SMARCA4: variants seen among roughly 807,000 people sequenced by gnomAD.
The protein encoded by SMARCA4 is SWI/SNF related BAF chromatin remodeling complex subunit ATPase 4.
In SMARCA4, 31 loss-of-function variants were observed where a neutral mutation model predicts 193.9. The ratio of observed to expected loss-of-function variants is 0.16; its 90% CI spans 0.12 to 0.22. The LOEUF (loss-of-function observed/expected upper bound fraction) is 0.22, where lower values mean the gene tolerates loss of function less well. Among genes scored for constraint, SMARCA4 ranks in the 10% least tolerant of loss-of-function variants. The pLI, the probability that SMARCA4 is intolerant of heterozygous loss-of-function variation, is 1.00. For missense variants in SMARCA4, 1,148 were observed against 2,296.0 expected, an observed-to-expected ratio of 0.50 and a Z score of 10.22; for synonymous variants, 942 against 933.1, an observed-to-expected ratio of 1.01 and a Z score of -0.17.
intron 1 of SMARCA4, among the ~76,000 whole-genome samples, chr19:10,976,261 G>T (rs112562132): frequency 1.3e-5 from 2 of 152,190 alleles, no homozygotes; most frequent in African/African-American, 4.8e-5. Flanking sequence ...TTTCCTGGCC[G>T]TGCTCGTTTG....
At chr19:11,018,928 A>G (rs1439255443) in intron 16 of SMARCA4, 29 bp from the exon 17 acceptor site, 1 of 1,591,592 alleles carries the variant, frequency 6.3e-7, no homozygotes, top group South Asian at 1.1e-5. Flanking sequence ...AGAGACCGGC[A>G]CTTGACTCTC....
chr19:10,991,146 A>C lies in SMARCA4; in HGVS notation c.1246-4A>C, dbSNP rs1344703726. 6.2e-7 allele frequency: 1 copy of C among 1,613,226 alleles called. No homozygotes were observed. Among genetic ancestry groups the C allele is most frequent in the Admixed American group, 1.7e-5 (1 of 60,002 alleles). ...GCGCGGGCTTGTCCTCTTCCCTCCT[A>C]CAGCTGCGCCAGGAGGTGGTGGTGT... On this transcript the variant is annotated splice_region_variant and splice_polypyrimidine_tract_variant and intron_variant, in intron 7 of 34. Coordinates refer to ENST00000344626, the MANE Select transcript of SMARCA4 (RefSeq NM_003072.5).
At chr19:11,046,234 A>C (rs981183803) in intron 30 of SMARCA4, among the ~76,000 whole-genome samples, 3 of 152,168 alleles carry the variant, frequency 2.0e-5, no homozygotes, top group African/African-American at 4.8e-5. Flanking sequence ...AAAAAAAAAA[A>C]AAAACCCCAA....
chr19:11,040,988 G>A (rs868253556), intron 29 of SMARCA4: 1 of 312,548 alleles, frequency 3.2e-6, no homozygotes, highest in Non-Finnish European at 5.9e-6. Flanking sequence ...CATCACCTCC[G>A]GGTGAAGGGA....
intron 16 of SMARCA4, among the ~76,000 whole-genome samples, chr19:11,015,705 G>T (rs750378630): frequency 5.9e-5 from 9 of 152,052 alleles, no homozygotes; most frequent in Non-Finnish European, 8.8e-5. Flanking sequence ...CTGAGACTAG[G>T]TGATAAAGAA....
chr19:10,965,353 G>A (rs1436787449), intron 1 of SMARCA4: 1 of 152,220 alleles, frequency 6.6e-6, no homozygotes, highest in East Asian at 1.9e-4. Context: ...CAAATGCGAA[G>A]TGCTTAGAAT....
At position 11,026,349 on chromosome 19, in the gene SMARCA4, G is replaced by A. The variant is rs751050884; in HGVS notation, c.3215+3G>A. 3 of 1,613,486 alleles carry A rather than the reference G, an allele frequency of 1.9e-6. No homozygotes were observed. Among genetic ancestry groups the A allele is most frequent in the Non-Finnish European group, 2.5e-6 (3 of 1,179,488 alleles). ...TTCACTGGCGGCATTGTCCAAGGGT[G>A]AGAAGCTTCCCAACTGGATGGGGTG... is the stretch of plus-strand genomic sequence containing the variant. On this transcript the variant is annotated splice_donor_region_variant and intron_variant, in intron 23 of 34. Transcript: ENST00000344626.
At chr19:11,002,351 C>T (rs11673175) in intron 11 of SMARCA4, among the ~76,000 whole-genome samples, 5,009 of 152,164 alleles carry the variant, frequency 0.033, 126 homozygotes, top group Non-Finnish European at 0.041. Flanking sequence ...TGGTGATGGG[C>T]ACCTGTAGTC....
chr19:10,984,893 C>G lies in SMARCA4; in HGVS notation c.223-380C>G, dbSNP rs941953394. ...ATGGTCACAAGTCTCTTTTGCATGT[C>G]CCTGGATGTGGTTAGAGGACATATT... On this transcript the variant is annotated intron_variant, in intron 2 of 34. Transcript: ENST00000344626. The surrounding 1 kb of genome is among the most constrained non-coding windows in gnomAD (Gnocchi z 4.3). 6.6e-6 allele frequency among the ~76,000 whole-genome samples: 1 copy of G among 152,184 alleles called. No individual in the cohort carries two copies. The highest frequency in any genetic ancestry group is 2.4e-5 in the African/African-American group (1 of 41,452).
rs1437865520 is a variant in SMARCA4 at position 11,008,671 on chromosome 19, TC to T, written c.2123+650del. ...TTGCTTATGGTAAGGAATTAATAGA[TC>T]CTGTTAAAAAGCAAGTGAGGGCTGG... On this transcript the variant is annotated intron_variant, in intron 14 of 34. Coordinates refer to ENST00000344626, the MANE Select transcript of SMARCA4 (RefSeq NM_003072.5). Among the ~76,000 whole-genome samples, 7 of 152,164 alleles carry T rather than the reference TC, an allele frequency of 4.6e-5. 1 individual carries two copies. The highest frequency in any genetic ancestry group is 2.0e-4 in the Admixed American group (3 of 15,266).
At chr19:11,000,712 C>T (rs1244624501) in intron 11 of SMARCA4, among the ~76,000 whole-genome samples, 5 of 151,916 alleles carry the variant, frequency 3.3e-5, no homozygotes, top group Non-Finnish European at 7.4e-5. Context: ...AACCCAGTCT[C>T]TACTAAAAAT....
intron 16 of SMARCA4, among the ~76,000 whole-genome samples, chr19:11,015,225 A>C (rs1236833864): frequency 6.6e-6 from 1 of 152,250 alleles, no homozygotes; most frequent in African/African-American, 2.4e-5. Context: ...CAGGAAGATA[A>C]CATGGACGTA....
chr19:11,058,438 G>T lies in SMARCA4; in HGVS notation c.4533+75G>T. The T allele has an allele frequency of 9.6e-7, 1 of 1,044,384 alleles. No individual in the cohort carries two copies. The allele number at this position is 1,044,384 out of a possible 1,614,324, so 64.7% of individuals were successfully genotyped here. ...GACCCAGGGGCACCCCCATCTGAGA[G>T]CTGTGGTGTGTGGGCAGAATGACCA... On this transcript the variant is annotated intron_variant, in intron 31 of 34. Transcript: ENST00000344626. The surrounding 1 kb of genome is among the most constrained non-coding windows in gnomAD (Gnocchi z 5.8).
At chr19:11,014,183 G>GCGGTC (rs1416407544) in intron 16 of SMARCA4, among the ~76,000 whole-genome samples, 1 of 152,182 alleles carries the variant, frequency 6.6e-6, no homozygotes, top group Non-Finnish European at 1.5e-5. Context: ...CGAGTCAGCA[G>GCGGTC]CGGACCCCCA....
At chr19:11,015,521 T>C (rs117210556) in intron 16 of SMARCA4, among the ~76,000 whole-genome samples, 7,328 of 152,262 alleles carry the variant, frequency 0.048, 236 homozygotes, top group Middle Eastern at 0.1. Flanking sequence ...CCTTGGTGTC[T>C]CGGGCAAGGT....
Position 11,058,217 on chromosome 19 carries a change from C to T in SMARCA4, c.4425-38C>T, listed in dbSNP as rs750464919. ...GGTGGGGTGGGGGCTCCCGGGTGGG[C>T]GGACTCGGGGGTGATAGCCGCCGGT... On this transcript the variant is annotated intron_variant, in intron 30 of 34. Transcript: ENST00000344626. The surrounding 1 kb of genome is among the most constrained non-coding windows in gnomAD (Gnocchi z 5.8). 2.8e-5 allele frequency: 38 copies of T among 1,356,962 alleles called. No homozygotes were observed. In the South Asian group the frequency reaches 2.9e-4, roughly 10 times the overall value. The allele number at this position is 1,356,962 out of a possible 1,614,324, so 84.1% of individuals were successfully genotyped here.
intron 1 of SMARCA4, among the ~76,000 whole-genome samples, chr19:10,977,047 C>G (rs1236081500): frequency 6.6e-6 from 1 of 152,158 alleles, no homozygotes; most frequent in African/African-American, 2.4e-5. Flanking sequence ...CAGAGCGAGA[C>G]TCTGTCTCCA....
chr19:11,020,008 A>G (rs1568483885), intron 18 of SMARCA4, among the ~76,000 whole-genome samples: 1 of 152,188 alleles, frequency 6.6e-6, no homozygotes, highest in Non-Finnish European at 1.5e-5. Context: ...TGACCCGCCT[A>G]CAGAGTCCCC....
At chr19:11,014,144 C>T (rs2089135107) in intron 16 of SMARCA4, among the ~76,000 whole-genome samples, 2 of 152,220 alleles carry the variant, frequency 1.3e-5, no homozygotes, top group Admixed American at 1.3e-4. Flanking sequence ...CTAACTCCAA[C>T]CAGGCACTCA....
Sources: allele counts gnomAD v4.1 joint callset (sites outside exome capture counted in the v4.1 genomes callset), GRCh38; gene constraint gnomAD v4.1.1; non-coding constraint Gnocchi (gnomAD v3.1); transcripts MANE v1.5; gene names NCBI Gene and HGNC (gene_info 2026-07-23, HGNC 2026-07-21).